CACNA2D3: variants seen among roughly 807,000 people sequenced by gnomAD.
The protein encoded by CACNA2D3 is calcium voltage-gated channel auxiliary subunit alpha2delta 3.
Under a neutral mutation model 160.6 loss-of-function variants are expected in CACNA2D3, and 60 were observed. That is an observed-to-expected ratio of 0.37 (90% CI 0.30 to 0.46). CACNA2D3 has a LOEUF of 0.46. Ranked by LOEUF, CACNA2D3 falls within the 20% of genes least tolerant of loss-of-function variation. The pLI is 1.00. For synonymous variants in CACNA2D3, 558 were observed against 492.9 expected (o/e 1.13, Z -1.75); for missense variants, 1,205 against 1,365.0 (o/e 0.88, Z 1.85).
At chr3:54,717,678 T>TG (rs1701079244) in intron 11 of CACNA2D3, among the ~76,000 whole-genome samples, 1 of 145,416 alleles carries the variant, frequency 6.9e-6, no homozygotes, top group Non-Finnish European at 1.5e-5. Context: ...GTGTGGTGTG[T>TG]GTGGTGTGTG....
chr3:55,061,126 T>A (rs1704496555), intron 35 of CACNA2D3, among the ~76,000 whole-genome samples: 1 of 152,258 alleles, frequency 6.6e-6, no homozygotes, highest in African/African-American at 2.4e-5. Context: ...GACACTGCCC[T>A]GCAGGCAAAG....
intron 2 of CACNA2D3, among the ~76,000 whole-genome samples, chr3:54,317,324 T>C (rs1453118089): frequency 6.6e-6 from 1 of 152,206 alleles, no homozygotes; most frequent in Non-Finnish European, 1.5e-5. Flanking sequence ...GGAAGGTCAC[T>C]CTTTGCCTTA....
intron 4 of CACNA2D3, among the ~76,000 whole-genome samples, chr3:54,400,574 C>A (rs1699439031): frequency 6.6e-6 from 1 of 152,144 alleles, no homozygotes; most frequent in Non-Finnish European, 1.5e-5. Context: ...CCTTTGCTAC[C>A]ACCACCACTG....
At chr3:54,474,318 T>C (rs1453569885) in intron 4 of CACNA2D3, among the ~76,000 whole-genome samples, 1 of 152,000 alleles carries the variant, frequency 6.6e-6, no homozygotes, top group African/African-American at 2.4e-5. Flanking sequence ...AAACACTGCA[T>C]GTTCTCACTC....
chr3:54,151,314 GTGAATGGATGGA>G (rs1700148900), intron 2 of CACNA2D3, among the ~76,000 whole-genome samples: 1 of 151,968 alleles, frequency 6.6e-6, no homozygotes, highest in African/African-American at 2.4e-5. Context: ...GGATGGATGG[GTGAATGGATGGA>G]TGGAGAGATG....
chr3:55,029,573 G>A (rs1703645562), intron 35 of CACNA2D3, among the ~76,000 whole-genome samples: 1 of 151,724 alleles, frequency 6.6e-6, no homozygotes, highest in Non-Finnish European at 1.5e-5. Context: ...AGATGGTGAG[G>A]TTTTTTTTGC....
chr3:54,442,277 A>C (rs1361803086), intron 4 of CACNA2D3, among the ~76,000 whole-genome samples: 1 of 152,134 alleles, frequency 6.6e-6, no homozygotes, highest in Non-Finnish European at 1.5e-5. Context: ...TTGGCCAATG[A>C]GACATTGGCA....
chr3:54,880,838 C>T lies in CACNA2D3; in HGVS notation c.1887C>T (p.Phe629=), dbSNP rs763088475. The T allele has an allele frequency of 1.2e-6, 2 of 1,613,804 alleles. No individual in the cohort carries two copies. Among genetic ancestry groups the T allele is most frequent in the Admixed American group, 1.7e-5 (1 of 60,016 alleles). Residue 629 remains phenylalanine, a synonymous_variant, in exon 21 of 38, where the codon TTC becomes TTT. Coordinates refer to ENST00000474759, the MANE Select transcript of CACNA2D3 (RefSeq NM_018398.3). ...CCAGAGGTCATGGGAAATATTTCTT[C>T]CGAGGGAATGTAACCATCGAAGAAG... is the stretch of plus-strand genomic sequence containing the variant. ...ALSRGHGKYF[F]RGNVTIEEGL...
intron 2 of CACNA2D3, among the ~76,000 whole-genome samples, chr3:54,231,987 C>T (rs974405307): frequency 2.0e-5 from 3 of 152,184 alleles, no homozygotes; most frequent in East Asian, 1.9e-4. Context: ...GCTCAGCCCC[C>T]GACTCTGGAG....
chr3:54,291,420 C>G (rs1375881164), intron 2 of CACNA2D3, among the ~76,000 whole-genome samples: 1 of 152,112 alleles, frequency 6.6e-6, no homozygotes, highest in Non-Finnish European at 1.5e-5. Context: ...AATGCATCAT[C>G]TTTTTACCTG....
chr3:54,331,815 C>A (rs1245243787), intron 3 of CACNA2D3, among the ~76,000 whole-genome samples: 1 of 152,094 alleles, frequency 6.6e-6, no homozygotes, highest in Non-Finnish European at 1.5e-5. Context: ...ATTAAAAGTT[C>A]TATTTGTTTT....
chr3:55,064,064 C>G (rs1704577079), intron 35 of CACNA2D3, among the ~76,000 whole-genome samples: 1 of 152,170 alleles, frequency 6.6e-6, no homozygotes, highest in Non-Finnish European at 1.5e-5. Flanking sequence ...GCACATTGGC[C>G]CAGTGCTTAA....
intron 2 of CACNA2D3, among the ~76,000 whole-genome samples, chr3:54,252,979 G>C (rs1254719551): frequency 6.6e-6 from 1 of 152,116 alleles, no homozygotes; most frequent in African/African-American, 2.4e-5. Flanking sequence ...AGACTTTGCT[G>C]GTCTTTTAAA....
chr3:54,203,174 C>T (rs1701208149), intron 2 of CACNA2D3, among the ~76,000 whole-genome samples: 1 of 152,192 alleles, frequency 6.6e-6, no homozygotes, highest in Non-Finnish European at 1.5e-5. Context: ...AGATGGCTCT[C>T]CCCAATGTGG....
Position 54,895,459 on chromosome 3 carries a change from TG to T in CACNA2D3, c.2247-1287del, listed in dbSNP as rs561679917. Among the ~76,000 whole-genome samples, 12 of 152,256 alleles carry T rather than the reference TG, an allele frequency of 7.9e-5. No homozygotes were observed. In the South Asian group the frequency reaches 2.5e-3, roughly 32 times the overall value. On this transcript the variant is annotated intron_variant, in intron 25 of 37. Coordinates refer to ENST00000474759, the MANE Select transcript of CACNA2D3 (RefSeq NM_018398.3). ...AGGGCATGGGCCTCCTCTCCAAAAG[TG>T]GGCACTCCATCTTTGGTAGAGGTGA...
chr3:54,446,998 G>C (rs1700232929), intron 4 of CACNA2D3, among the ~76,000 whole-genome samples: 1 of 152,176 alleles, frequency 6.6e-6, no homozygotes, highest in Admixed American at 6.5e-5. Flanking sequence ...TTTTTTAAGT[G>C]AGGCATTGAC....
intron 5 of CACNA2D3, among the ~76,000 whole-genome samples, chr3:54,533,794 A>AGTGT (rs61234075): frequency 5.3e-5 from 8 of 149,756 alleles, no homozygotes; most frequent in East Asian, 3.9e-4. Context: ...AATGGAAAAT[A>AGTGT]GTGTGTGTGT....
intron 4 of CACNA2D3, among the ~76,000 whole-genome samples, chr3:54,502,179 A>G (rs1313197921): frequency 6.6e-6 from 1 of 152,146 alleles, no homozygotes; most frequent in African/African-American, 2.4e-5. Context: ...GATTTTTGTC[A>G]TTAATTTTGG....
At chr3:54,139,089 G>T (rs2107264484) in intron 2 of CACNA2D3, among the ~76,000 whole-genome samples, 1 of 152,334 alleles carries the variant, frequency 6.6e-6, no homozygotes, top group East Asian at 1.9e-4. Context: ...TTCTCCCTGG[G>T]CTTGCCTGCA....
Sources: gnomAD v4.1 joint callset for allele counts (sites outside exome capture counted in the v4.1 genomes callset) on GRCh38, gnomAD v4.1.1 for gene constraint, MANE v1.5 for transcripts, NCBI Gene and HGNC (gene_info 2026-07-23, HGNC 2026-07-21) for gene names.